Variants in NRXN3 observed in about 807,000 individuals in gnomAD.
NRXN3 encodes neurexin III.
A neutral mutation model predicts 137.6 loss-of-function variants in NRXN3; 32 were observed. The ratio of observed to expected loss-of-function variants is 0.23; its 90% CI spans 0.18 to 0.31. NRXN3 has a LOEUF of 0.31. NRXN3 is among the 10% of genes least tolerant of loss of function. NRXN3 has a pLI of 1.00. For missense variants in NRXN3, 1,574 were observed against 2,062.5 expected (o/e 0.76, Z 4.59); for synonymous variants, 798 against 784.5 (o/e 1.02, Z -0.29).
At chr14:78,329,197 T>C (rs2080482959) in intron 4 of NRXN3, among the ~76,000 whole-genome samples, 1 of 152,218 alleles carries the variant, frequency 6.6e-6, no homozygotes, top group Non-Finnish European at 1.5e-5. Context: ...TGACTCACTT[T>C]GCTCTAAATT....
chr14:79,815,560 C>G (rs534873027), intron 20 of NRXN3, among the ~76,000 whole-genome samples: 1 of 151,576 alleles, frequency 6.6e-6, no homozygotes, highest in Non-Finnish European at 1.5e-5. Context: ...GGAAGGGAAA[C>G]AAGAAAGGCG....
chr14:79,731,053 AG>A (rs1221567762), intron 19 of NRXN3, among the ~76,000 whole-genome samples: 1 of 152,228 alleles, frequency 6.6e-6, no homozygotes, highest in Non-Finnish European at 1.5e-5. Context: ...TCCCTATTAC[AG>A]GAAGACACTG....
chr14:78,243,441 T>C lies in NRXN3; in HGVS notation c.348T>C (p.Arg116=). The change falls in exon 2 of 21, where the codon CGT becomes CGC. Residue 116 remains arginine (R), a synonymous_variant. Transcript: ENST00000335750. This position sits in a 1 kb window ranked among gnomAD's most constrained non-coding sequence, Gnocchi z 4.2. ...DSSWHFLMVS[R]DRLRTVLMLD... The stretch of plus-strand genomic sequence containing the variant: ...GCTGGCACTTCCTCATGGTGAGCCG[T>C]GACCGCCTGCGCACGGTGCTGATGC... 6.4e-7 allele frequency: 1 copy of C among 1,572,860 alleles called. No individual in the cohort carries two copies. Among genetic ancestry groups the C allele is most frequent in the Non-Finnish European group, 8.6e-7 (1 of 1,166,986 alleles).
chr14:79,793,204 G>A (rs535557134), intron 19 of NRXN3, among the ~76,000 whole-genome samples: 1 of 152,090 alleles, frequency 6.6e-6, no homozygotes, highest in Non-Finnish European at 1.5e-5. Context: ...GGCCGAGGCG[G>A]GCGGATCACG....
At chr14:78,874,426 G>A (rs768862654) in intron 10 of NRXN3, among the ~76,000 whole-genome samples, 1 of 152,168 alleles carries the variant, frequency 6.6e-6, no homozygotes, top group Non-Finnish European at 1.5e-5. Flanking sequence ...ATGCTAATCA[G>A]TCAGATTTGG....
chr14:79,483,152 T>C (rs2096624495), intron 16 of NRXN3, among the ~76,000 whole-genome samples: 1 of 152,226 alleles, frequency 6.6e-6, no homozygotes, highest in Non-Finnish European at 1.5e-5. Context: ...TTTGCAGAGA[T>C]TCAAAGAATG....
At chr14:79,655,246 C>T (rs549262858) in intron 16 of NRXN3, among the ~76,000 whole-genome samples, 11 of 152,170 alleles carry the variant, frequency 7.2e-5, no homozygotes, top group Non-Finnish European at 1.6e-4. Context: ...GTTACCAAGA[C>T]CAGATGGAGA....
In NRXN3 at chr14:79,661,183, C is replaced by T. The variant is rs548001895; in HGVS notation, c.3445-2595C>T. Among the ~76,000 whole-genome samples the T allele has an allele frequency of 5.3e-5, 8 of 152,176 alleles. No individual in the cohort carries two copies. The East Asian group carries it at 5.8e-4, about 11-fold the overall frequency. ...TTTCCTAGTGCAGAGATGTAGATAG[C>T]GGTTTCAACAAACAGATTTACGAAA... On this transcript the variant is annotated intron_variant, in intron 16 of 20. Transcript: ENST00000335750.
chr14:79,080,117 T>G (rs943272798), intron 15 of NRXN3, among the ~76,000 whole-genome samples: 2 of 152,146 alleles, frequency 1.3e-5, no homozygotes, highest in African/African-American at 4.8e-5. Context: ...CATTCCCATG[T>G]GAGACTTCCT....
intron 6 of NRXN3, among the ~76,000 whole-genome samples, chr14:78,679,430 T>C (rs910202735): frequency 6.6e-6 from 1 of 152,208 alleles, no homozygotes; most frequent in Non-Finnish European, 1.5e-5. Flanking sequence ...TTTGTTGTTA[T>C]ATGATTTTAA....
intron 15 of NRXN3, among the ~76,000 whole-genome samples, chr14:79,180,210 C>T (rs145048164): frequency 3.9e-4 from 60 of 152,238 alleles, no homozygotes; most frequent in Non-Finnish European, 6.6e-4. Flanking sequence ...TTACATGTAG[C>T]GCCAAGGTAG....
chr14:79,269,610 A>G (rs960819358), intron 15 of NRXN3, among the ~76,000 whole-genome samples: 1 of 152,140 alleles, frequency 6.6e-6, no homozygotes, highest in African/African-American at 2.4e-5. Flanking sequence ...TTCTCAGGCT[A>G]CACGTCTTTA....
At chr14:79,845,619 AGACGGGGAGAGAGACG>A (rs2099365907) in intron 20 of NRXN3, among the ~76,000 whole-genome samples, 10 of 140,630 alleles carry the variant, frequency 7.1e-5, no homozygotes, top group Non-Finnish European at 1.1e-4. Context: ...AGAGAGACGG[AGACGGGGAGAGAGACG>A]GAGACGGGGA....
At chr14:79,631,142 C>A (rs76130186) in intron 16 of NRXN3, among the ~76,000 whole-genome samples, 6,011 of 152,316 alleles carry the variant, frequency 0.039, 156 homozygotes, top group Middle Eastern at 0.12. Flanking sequence ...GTAAAGGGAA[C>A]AGCTAAGACA....
Position 78,782,460 on chromosome 14 carries a change from G to A in NRXN3, c.2045-21160G>A, listed in dbSNP as rs527424490. 7.0e-4 allele frequency among the ~76,000 whole-genome samples: 106 copies of A among 152,238 alleles called. 1 individual carries two copies. The highest frequency in any genetic ancestry group is 2.5e-3 in the African/African-American group (104 of 41,546). On this transcript the variant is annotated intron_variant, in intron 8 of 20. Transcript: ENST00000335750. ...ACTCTGAAAAACAACGCCTCTGGTT[G>A]GAAAGGAATCAAATCTGAGCTTTTG... is the stretch of plus-strand genomic sequence containing the variant.
chr14:79,384,684 T>G (rs1206807276), intron 15 of NRXN3, among the ~76,000 whole-genome samples: 1 of 152,116 alleles, frequency 6.6e-6, no homozygotes, highest in East Asian at 1.9e-4. Context: ...CCTGAGAGAT[T>G]ATTAATAACA....
chr14:78,197,751 A>G (rs571739915), intron 1 of NRXN3, among the ~76,000 whole-genome samples: 57 of 152,252 alleles, frequency 3.7e-4, no homozygotes, highest in African/African-American at 1.3e-3. Context: ...CCTTGGAGAC[A>G]TTACTGGGGT....
At chr14:79,064,952 AT>A (rs761682352) in intron 15 of NRXN3, among the ~76,000 whole-genome samples, 77 of 151,734 alleles carry the variant, frequency 5.1e-4, no homozygotes, top group Non-Finnish European at 9.1e-4. Context: ...CTCTAAAAAT[AT>A]TGAAAAGTTA....
At chr14:78,538,149 A>C (rs980590677) in intron 4 of NRXN3, among the ~76,000 whole-genome samples, 1 of 152,172 alleles carries the variant, frequency 6.6e-6, no homozygotes, top group African/African-American at 2.4e-5. Flanking sequence ...TCTGTGAAGA[A>C]AGGGTCATTG....
Sources: allele counts gnomAD v4.1 joint callset (sites outside exome capture counted in the v4.1 genomes callset), GRCh38; gene constraint gnomAD v4.1.1; non-coding constraint Gnocchi (gnomAD v3.1); transcripts MANE v1.5; gene names NCBI Gene and HGNC (gene_info 2026-07-23, HGNC 2026-07-21).